The following MARF1 variants were observed in gnomAD, a reference collection of about 807,000 sequenced individuals.
MARF1 encodes the protein meiosis regulator and mRNA stability factor 1, also known as limkain-b1.
Under a neutral mutation model 168.2 loss-of-function variants are expected in MARF1, and 24 were observed. That is an observed-to-expected ratio of 0.14 (90% CI 0.10 to 0.20). The LOEUF (loss-of-function observed/expected upper bound fraction) is 0.20. Ranked by LOEUF, MARF1 falls within the 10% of genes least tolerant of loss-of-function variation. The pLI, the probability that MARF1 is intolerant of heterozygous loss-of-function variation, is 1.00. For synonymous variants in MARF1, 868 were observed against 822.4 expected, an observed-to-expected ratio of 1.06 and a Z score of -0.95; for missense variants, 1,744 against 2,143.6, an observed-to-expected ratio of 0.81 and a Z score of 3.68.
rs2031499065 is a variant in MARF1, at chr16:15,594,553, G to C, written c.*2140C>G. 6.6e-6 allele frequency: 1 copy of C among 152,572 alleles called. No homozygotes were observed. The highest frequency in any genetic ancestry group is 1.5e-5 in the Non-Finnish European group (1 of 68,026). 9.5% of individuals were successfully genotyped at this position (152,572 alleles called of 1,614,324 possible). A position where few individuals can be genotyped will look rare whatever the true frequency, so the allele number is the denominator to read the frequency against. On this transcript the variant is annotated 3_prime_UTR_variant, in exon 27 of 27. Transcript: ENST00000396368. Reference sequence around the variant, plus strand: ...GTGCAAGATGGGAAAGGGGGTTTTGGTGATAACTTTTGTCATTTTTTTAAA... The same window carrying C: ...GTGCAAGATGGGAAAGGGGGTTTTGCTGATAACTTTTGTCATTTTTTTAAA...
intron 1 of MARF1, among the ~76,000 whole-genome samples, chr16:15,640,966 A>C (rs888592533): frequency 1.3e-5 from 2 of 152,224 alleles, no homozygotes; most frequent in African/African-American, 4.8e-5. Context: ...GTGTGGCAGC[A>C]TGCGCCTAGT....
At position 15,615,819 on chromosome 16, in the gene MARF1, C is replaced by G. The variant is rs1465500199; in HGVS notation, c.3253+11G>C. The G allele has an allele frequency of 6.6e-7, 1 of 1,519,494 alleles. No homozygotes were observed. The allele number at this position is 1,519,494 out of a possible 1,614,324, so 94.1% of individuals were successfully genotyped here. A position where few individuals can be genotyped will look rare whatever the true frequency, so the allele number is the denominator to read the frequency against. Reference sequence around the variant, plus strand: ...AGGTGGTAGCTCCAGGACAAAATACCTGACACCTACCAGTGTTGGGAGGCG... The same window carrying G: ...AGGTGGTAGCTCCAGGACAAAATACGTGACACCTACCAGTGTTGGGAGGCG... On this transcript the variant is annotated intron_variant, in intron 16 of 26. Transcript: ENST00000396368.
At chr16:15,600,748 C>A (rs1205227136) in intron 23 of MARF1, 47 bp from the exon 24 acceptor site, 2 of 1,596,510 alleles carry the variant, frequency 1.3e-6, no homozygotes, top group Admixed American at 3.3e-5. Flanking sequence ...AAGGAGGGGA[C>A]AGAAGCCCTA....
intron 19 of MARF1, 53 bp from the exon 20 acceptor site, chr16:15,609,778 G>T: frequency 2.8e-6 from 4 of 1,443,836 alleles, no homozygotes; most frequent in Non-Finnish European, 3.9e-6. Context: ...ACCCATTTGT[G>T]TTCAACATCC....
intron 2 of MARF1, among the ~76,000 whole-genome samples, chr16:15,637,486 G>A (rs935510408): frequency 6.6e-6 from 1 of 152,164 alleles, no homozygotes; most frequent in Non-Finnish European, 1.5e-5. Context: ...AACAGCAACG[G>A]GCTGACCAGC....
chr16:15,613,154 A>G (rs572005455), intron 16 of MARF1, among the ~76,000 whole-genome samples: 1 of 152,332 alleles, frequency 6.6e-6, no homozygotes, highest in East Asian at 1.9e-4. Context: ...ACAAAGTTAT[A>G]AATGGTCATC....
At position 15,612,772 on chromosome 16, in the gene MARF1, A is replaced by C. The variant is rs754627751; in HGVS notation, c.3259T>G (p.Trp1087Gly). Reference protein sequence around the residue: ...NKPPPPNTDPWLLRSKSPVGN... With the variant: ...NKPPPPNTDPGLLRSKSPVGN... The stretch of plus-strand genomic sequence containing the variant: ...ACAGGACTCTTCGAACGCAGAAGCC[A>C]AGGGTCTAGAAGAAAAAGAACGTGT... Residue 1087 changes from tryptophan to glycine, a missense_variant, in exon 17 of 27, where the codon TGG becomes GGG. By Grantham distance (184) the Trp-to-Gly change is radical. Coordinates refer to ENST00000396368, the MANE Select transcript of MARF1 (RefSeq NM_014647.4). The C allele has an allele frequency of 1.2e-6, 2 of 1,613,700 alleles. No individual in the cohort carries two copies. Among genetic ancestry groups the C allele is most frequent in the Non-Finnish European group, 1.7e-6 (2 of 1,179,618 alleles).
chr16:15,602,587 G>A (rs1359307482), intron 22 of MARF1: 2 of 292,496 alleles, frequency 6.8e-6, no homozygotes, highest in Non-Finnish European at 1.3e-5. Flanking sequence ...AGATGAAGAT[G>A]ACAAAAAAGA....
chr16:15,596,477 TA>T lies in MARF1; in HGVS notation c.*215del. On this transcript the variant is annotated 3_prime_UTR_variant, in exon 27 of 27. Transcript: ENST00000396368. ...TAACAAATGCCACAAGTTCTTCAAA[TA>T]ATTGAAAAAAGAAAGAAAAAGGAAG... 9.8e-6 allele frequency: 4 copies of T among 407,020 alleles called. No homozygotes were observed. In the East Asian group the frequency reaches 1.5e-4, roughly 15 times the overall value. 25.2% of individuals were successfully genotyped at this position (407,020 alleles called of 1,614,324 possible).
Position 15,633,750 on chromosome 16 carries a change from C to G in MARF1, c.1100G>C (p.Gly367Ala). Residue 367 changes from glycine to alanine, a missense_variant, in exon 5 of 27, where the codon GGC becomes GCC. Coordinates refer to ENST00000396368, the MANE Select transcript of MARF1 (RefSeq NM_014647.4). ...WDIENCSVPS[G>A]RSATAVVQRI... ...TTGCACAACAGCAGTTGCTGACCGG[C>G]CAGAGGGAACGGAGCAGTTTTCAAT... The G allele has an allele frequency of 1.2e-6, 2 of 1,613,988 alleles. No homozygotes were observed. The highest frequency in any genetic ancestry group is 1.6e-4 in the Middle Eastern group (1 of 6,062).
At chr16:15,598,119 T>A (rs1011358267) in intron 26 of MARF1, among the ~76,000 whole-genome samples, 25 of 152,060 alleles carry the variant, frequency 1.6e-4, no homozygotes, top group Non-Finnish European at 2.9e-4. Flanking sequence ...AGATGGGCCA[T>A]CCTCTCCAGA....
intron 23 of MARF1, chr16:15,601,152 A>G: frequency 4.4e-6 from 2 of 455,902 alleles, no homozygotes; most frequent in Non-Finnish European, 8.8e-6. Context: ...ATCTCAGCCA[A>G]GCAGAGTGGT....
At position 15,625,086 on chromosome 16, in the gene MARF1, T is replaced by C. The variant is rs755926228; in HGVS notation, c.2041A>G (p.Asn681Asp). 1 of 1,614,236 alleles carries C rather than the reference T, an allele frequency of 6.2e-7. No individual in the cohort carries two copies. Among genetic ancestry groups the C allele is most frequent in the African/African-American group, 1.3e-5 (1 of 75,062 alleles). ...GGCGTCGACACTGCAGCACTTGAGT[T>C]ACCGTGAGTGGGTACGACCAGCCTC... ...HLRLVVPTHG[N>D]SSAAVSTPKN... Residue 681 changes from asparagine to aspartate, a missense_variant, in exon 9 of 27, where the codon AAC becomes GAC. Around this residue, in one of 7 missense-constraint regions of MARF1, gnomAD observed 270 missense variants for 260.6 expected, o/e 1.04. Transcript: ENST00000396368.
intron 21 of MARF1, among the ~76,000 whole-genome samples, chr16:15,606,753 T>C (rs2033048726): frequency 6.6e-6 from 1 of 152,276 alleles, no homozygotes; most frequent in African/African-American, 2.4e-5. Context: ...CCCTTGTATG[T>C]TCATCTTCTC....
At chr16:15,627,478 CGTG>C (rs1195051574) in intron 7 of MARF1, among the ~76,000 whole-genome samples, 1 of 152,060 alleles carries the variant, frequency 6.6e-6, no homozygotes, top group Non-Finnish European at 1.5e-5. Context: ...ATTAGCCAGG[CGTG>C]GTGGCGGGCG....
At chr16:15,620,935 C>T (rs574617234) in intron 12 of MARF1, among the ~76,000 whole-genome samples, 4 of 152,258 alleles carry the variant, frequency 2.6e-5, no homozygotes, top group Non-Finnish European at 5.9e-5. Context: ...CACCAAAAAA[C>T]GCTCAAAGGG....
chr16:15,639,070 T>C lies in MARF1; in HGVS notation c.144+20A>G, dbSNP rs1341576381. ...TTTGGATGAGGAATCTGCTACATCC[T>C]TAGTCTTGCATATAGTTACCGTTTG... is the stretch of plus-strand genomic sequence containing the variant. On this transcript the variant is annotated intron_variant, in intron 2 of 26. Transcript: ENST00000396368. 6.2e-7 allele frequency: 1 copy of C among 1,608,486 alleles called. No individual in the cohort carries two copies. Among genetic ancestry groups the C allele is most frequent in the African/African-American group, 1.3e-5 (1 of 74,848 alleles).
Position 15,625,168 on chromosome 16 carries a change from C to T in MARF1, c.1959G>A (p.Leu653=). ...GACCAGTTTTTGACTCCATGCGGCA[C>T]AGCTCCTTCAAAGACACAAGCACAG... The part of the protein sequence containing the change: ...KNTNVKSLQE[L]CRMESKTGHR... The change falls in exon 9 of 27, where the codon CTG becomes CTA. Residue 653 remains leucine, a synonymous_variant. Transcript: ENST00000396368. 6.2e-7 allele frequency: 1 copy of T among 1,613,930 alleles called. No individual in the cohort carries two copies. The highest frequency in any genetic ancestry group is 8.5e-7 in the Non-Finnish European group (1 of 1,179,934).
chr16:15,598,025 TC>T (rs940351154), intron 26 of MARF1, among the ~76,000 whole-genome samples: 31 of 152,222 alleles, frequency 2.0e-4, no homozygotes, highest in Admixed American at 9.8e-4. Context: ...CACGGGTTGT[TC>T]CTGGTGACCT....
Sources: gnomAD v4.1 joint callset for allele counts (sites outside exome capture counted in the v4.1 genomes callset) on GRCh38, gnomAD v4.1.1 for gene constraint, gnomAD v4.1.1 regional missense constraint, MANE v1.5 for transcripts, NCBI Gene and HGNC (gene_info 2026-07-23, HGNC 2026-07-21) for gene names.